The following RUNX2 variants were observed in gnomAD, a reference collection of about 807,000 sequenced individuals.
The protein encoded by RUNX2 is RUNX family transcription factor 2, also known as runt-related transcription factor 2.
A neutral mutation model predicts 51.7 loss-of-function variants in RUNX2; 10 were observed. The observed-to-expected ratio is 0.19, with a 90% CI of 0.12 to 0.33. The LOEUF is 0.33. Ranked by LOEUF, RUNX2 falls within the 10% of genes least tolerant of loss-of-function variation. The pLI is 1.00. For missense variants in RUNX2, 562 were observed against 691.3 expected, an observed-to-expected ratio of 0.81 and a Z score of 2.10; for synonymous variants, 276 against 273.6, an observed-to-expected ratio of 1.01 and a Z score of -0.09.
chr6:45,414,334 C>T (rs1221410586), intron 2 of RUNX2, among the ~76,000 whole-genome samples: 2 of 152,162 alleles, frequency 1.3e-5, no homozygotes, highest in African/African-American at 4.8e-5. Flanking sequence ...CACTATATTA[C>T]AATATTCCCT....
At chr6:45,478,169 T>C (rs1800009295) in intron 5 of RUNX2, among the ~76,000 whole-genome samples, 1 of 152,206 alleles carries the variant, frequency 6.6e-6, no homozygotes, top group Non-Finnish European at 1.5e-5. Context: ...TCCTCTTTGG[T>C]TTCCTTTTCA....
intron 5 of RUNX2, among the ~76,000 whole-genome samples, chr6:45,472,736 G>A (rs1176376282): frequency 6.6e-6 from 1 of 152,052 alleles, no homozygotes; most frequent in African/African-American, 2.4e-5. Flanking sequence ...TCGTGATTTT[G>A]GTTCGATTTA....
intron 2 of RUNX2, among the ~76,000 whole-genome samples, chr6:45,350,834 C>T (rs556639959): frequency 2.6e-4 from 40 of 152,026 alleles, no homozygotes; most frequent in Non-Finnish European, 3.8e-4. Context: ...CATTTTCAGA[C>T]GGATTTATAA....
At chr6:45,449,865 T>A (rs1799110404) in intron 5 of RUNX2, among the ~76,000 whole-genome samples, 1 of 152,136 alleles carries the variant, frequency 6.6e-6, no homozygotes, top group Non-Finnish European at 1.5e-5. Flanking sequence ...TAAAAAAAAT[T>A]AACTTTAAAA....
intron 2 of RUNX2, among the ~76,000 whole-genome samples, chr6:45,330,642 T>C (rs1787281192): frequency 6.6e-6 from 1 of 152,048 alleles, no homozygotes; most frequent in Non-Finnish European, 1.5e-5. Context: ...AGGGATCTTA[T>C]ACTTCTGTAA....
At chr6:45,478,638 ATGTGTGTGTGTG>A (rs35909968) in intron 5 of RUNX2, among the ~76,000 whole-genome samples, 1 of 149,344 alleles carries the variant, frequency 6.7e-6, no homozygotes, top group South Asian at 2.1e-4. Context: ...TTGTGTGTAA[ATGTGTGTGTGTG>A]TGTGTGTGTG....
At position 45,388,547 on chromosome 6, in the gene RUNX2, T is replaced by G. The variant is rs1306410816; in HGVS notation, c.59-34046T>G. ...TAACTTAACAAGTTGTCCAGGTGAT[T>G]TTGAAGTAAGTTAATGTTTGAGAAC... On this transcript the variant is annotated intron_variant, in intron 2 of 8. Coordinates refer to ENST00000647337, the MANE Select transcript of RUNX2 (RefSeq NM_001024630.4). 2.0e-5 allele frequency among the ~76,000 whole-genome samples: 3 copies of G among 152,204 alleles called. No individual in the cohort carries two copies. The East Asian group carries it at 5.8e-4, about 29-fold the overall frequency.
At chr6:45,517,481 C>A (rs1801367624) in intron 7 of RUNX2, among the ~76,000 whole-genome samples, 1 of 152,056 alleles carries the variant, frequency 6.6e-6, no homozygotes, top group African/African-American at 2.4e-5. Context: ...CTGCTTGCCA[C>A]TATAGATTGT....
At chr6:45,411,657 G>A (rs992670076) in intron 2 of RUNX2, among the ~76,000 whole-genome samples, 1 of 151,846 alleles carries the variant, frequency 6.6e-6, no homozygotes, top group Admixed American at 6.6e-5. Context: ...ATTTTTGTAT[G>A]AACCAATACC....
At chr6:45,537,420 T>C (rs1415455788) in intron 7 of RUNX2, among the ~76,000 whole-genome samples, 10 of 152,224 alleles carry the variant, frequency 6.6e-5, no homozygotes, top group African/African-American at 2.4e-4. Context: ...TGGGCTACCA[T>C]GTACTGATCT....
At chr6:45,383,935 G>A (rs1436651745) in intron 2 of RUNX2, among the ~76,000 whole-genome samples, 1 of 152,204 alleles carries the variant, frequency 6.6e-6, no homozygotes, top group African/African-American at 2.4e-5. Context: ...TCAGGGAACT[G>A]TACCAACAGG....
intron 5 of RUNX2, among the ~76,000 whole-genome samples, chr6:45,447,515 C>T (rs923718654): frequency 6.6e-6 from 1 of 152,120 alleles, no homozygotes; most frequent in African/African-American, 2.4e-5. Flanking sequence ...ATTATCTTTA[C>T]CATTTTAATA....
At chr6:45,360,966 A>G (rs1001807598) in intron 2 of RUNX2, among the ~76,000 whole-genome samples, 5 of 152,040 alleles carry the variant, frequency 3.3e-5, no homozygotes, top group African/African-American at 1.2e-4. Context: ...CCTGCCATAT[A>G]ATAAGGACTC....
chr6:45,407,698 C>G (rs561666222), intron 2 of RUNX2, among the ~76,000 whole-genome samples: 5 of 152,034 alleles, frequency 3.3e-5, no homozygotes, highest in African/African-American at 1.2e-4. Context: ...AGAGGTCTCG[C>G]TATGTTGCCC....
intron 7 of RUNX2, among the ~76,000 whole-genome samples, chr6:45,538,478 A>G (rs1802109172): frequency 6.6e-6 from 1 of 152,022 alleles, no homozygotes; most frequent in South Asian, 2.1e-4. Context: ...AAGATTACCA[A>G]TATCTAAGCT....
chr6:45,543,268 C>T (rs901021940), intron 7 of RUNX2, among the ~76,000 whole-genome samples: 13 of 152,270 alleles, frequency 8.5e-5, no homozygotes, highest in African/African-American at 2.4e-4. Context: ...TGAAACTCTT[C>T]GCACCAAGTG....
chr6:45,464,761 A>G (rs1799575412), intron 5 of RUNX2, among the ~76,000 whole-genome samples: 1 of 152,254 alleles, frequency 6.6e-6, no homozygotes, highest in South Asian at 2.1e-4. Flanking sequence ...TATCAGTCAC[A>G]TCAGAAGCTG....
intron 2 of RUNX2, among the ~76,000 whole-genome samples, chr6:45,381,676 G>T (rs1286412949): frequency 2.6e-5 from 4 of 152,120 alleles, no homozygotes; most frequent in Non-Finnish European, 5.9e-5. Flanking sequence ...AGATCCTCCT[G>T]CCTCAGCCTC....
chr6:45,501,951 A>G (rs1800810853), intron 6 of RUNX2, among the ~76,000 whole-genome samples: 1 of 152,210 alleles, frequency 6.6e-6, no homozygotes, highest in Non-Finnish European at 1.5e-5. Context: ...GGGAATGTAA[A>G]ACCTAGTGTA....
Sources: gnomAD v4.1 joint callset for allele counts (sites outside exome capture counted in the v4.1 genomes callset) on GRCh38, gnomAD v4.1.1 for gene constraint, MANE v1.5 for transcripts, NCBI Gene and HGNC (gene_info 2026-07-23, HGNC 2026-07-21) for gene names.